MRPL30: variants seen among roughly 807,000 people sequenced by gnomAD.
MRPL30 encodes the protein mitochondrial ribosomal protein L30, also known as large ribosomal subunit protein uL30m.
MRPL30 carries 10 observed loss-of-function variants against 17.2 expected under a neutral mutation model. That is an observed-to-expected ratio of 0.58 (90% CI 0.36 to 0.99). The LOEUF is 0.99. MRPL30 is among the 50% of genes least tolerant of loss of function. The pLI, the probability that MRPL30 is intolerant of heterozygous loss-of-function variation, is 0.01. For missense variants in MRPL30, 170 were observed against 189.8 expected (o/e 0.90, Z 0.61); for synonymous variants, 61 against 62.1 (o/e 0.98, Z 0.08).
chr2:99,186,360 T>G (rs1048419809), intron 2 of MRPL30, 106 bp downstream of exon 2: 13 of 977,454 alleles, frequency 1.3e-5, no homozygotes, highest in Non-Finnish European at 2.0e-5. Context: ...TGAGACGAAG[T>G]CTCTCTCTGT....
intron 2 of MRPL30, 45 bp downstream of exon 2, chr2:99,186,299 AT>A (rs34925788): frequency 3.6e-3 from 5,179 of 1,450,652 alleles, no homozygotes; most frequent in South Asian, 4.3e-3. Flanking sequence ...CCCCTTATGA[AT>A]TTTTTTTTTA....
intron 2 of MRPL30, among the ~76,000 whole-genome samples, chr2:99,187,953 A>C (rs1346014885): frequency 6.6e-6 from 1 of 152,228 alleles, no homozygotes; most frequent in Non-Finnish European, 1.5e-5. Flanking sequence ...GGTCCTTTAC[A>C]GAAAACGGTT....
chr2:99,181,443 A>G (rs1294593643), intron 1 of MRPL30, among the ~76,000 whole-genome samples, 194 bp downstream of exon 1: 1 of 152,022 alleles, frequency 6.6e-6, no homozygotes, highest in Non-Finnish European at 1.5e-5. Context: ...CCGTTTCCCA[A>G]TTTGCAGGAT....
intron 3 of MRPL30, among the ~76,000 whole-genome samples, chr2:99,189,388 A>C (rs1372680962): frequency 6.6e-6 from 1 of 152,222 alleles, no homozygotes; most frequent in African/African-American, 2.4e-5. Context: ...AGCTGAAATC[A>C]TATGGTATGT....
rs746703691 is a variant in MRPL30, at chr2:99,188,136, G to GA, written c.52-40dup. On this transcript the variant is annotated intron_variant, in intron 2 of 5. Transcript: ENST00000338148. ...ATTGGTGGGTATGGATTTCTCTACTGACAGAATTCTAAAAAACAAATGATT... is the reference window on the plus strand; with the variant it reads ...ATTGGTGGGTATGGATTTCTCTACTGAACAGAATTCTAAAAAACAAATGATT... 2.3e-5 allele frequency: 33 copies of GA among 1,449,364 alleles called. No homozygotes were observed. In the African/African-American group the frequency reaches 4.7e-4, roughly 21 times the overall value. 89.8% of individuals were successfully genotyped at this position (1,449,364 alleles called of 1,614,324 possible).
intron 3 of MRPL30, among the ~76,000 whole-genome samples, chr2:99,189,452 A>G (rs1160351385): frequency 6.6e-6 from 1 of 152,132 alleles, no homozygotes; most frequent in Non-Finnish European, 1.5e-5. Flanking sequence ...AGGTTCCTCC[A>G]TGTCTTTTTG....
intron 1 of MRPL30, among the ~76,000 whole-genome samples, chr2:99,185,000 A>AACC (rs2093931699): frequency 6.6e-6 from 1 of 152,198 alleles, no homozygotes. Context: ...GCCCATTAGG[A>AACC]ACCAGATGGC....
chr2:99,187,049 T>G (rs1190772465), intron 2 of MRPL30: 2 of 152,196 alleles, frequency 1.3e-5, no homozygotes, highest in African/African-American at 2.4e-5. Flanking sequence ...TACCTTAACC[T>G]CAGATTAATC....
intron 2 of MRPL30, chr2:99,186,811 G>C (rs1364163446): frequency 2.0e-5 from 3 of 152,154 alleles, no homozygotes; most frequent in Non-Finnish European, 2.9e-5. Flanking sequence ...ATTATGGAAG[G>C]AGTGCATTTT....
intron 1 of MRPL30, among the ~76,000 whole-genome samples, chr2:99,182,892 T>C (rs779725968): frequency 6.6e-6 from 1 of 152,218 alleles, no homozygotes; most frequent in Non-Finnish European, 1.5e-5. Flanking sequence ...TGCTATTGAA[T>C]GTACATGCAC....
chr2:99,186,806 G>A (rs2093934815), intron 2 of MRPL30: 1 of 152,114 alleles, frequency 6.6e-6, no homozygotes, highest in African/African-American at 2.4e-5. Context: ...CTTAGATTAT[G>A]GAAGGAGTGC....
At chr2:99,188,151 A>C in intron 2 of MRPL30, 26 bp from the exon 3 acceptor site, 8 of 1,529,944 alleles carry the variant, frequency 5.2e-6, no homozygotes, top group Non-Finnish European at 7.1e-6. Flanking sequence ...AATTCTAAAA[A>C]ACAAATGATT....
intron 3 of MRPL30, among the ~76,000 whole-genome samples, chr2:99,193,431 CT>C (rs1487244525): frequency 6.6e-6 from 1 of 152,074 alleles, no homozygotes; most frequent in Non-Finnish European, 1.5e-5. Flanking sequence ...AAAATACCAT[CT>C]TTTTGGGGGT....
rs1369757567 is a variant in MRPL30, at chr2:99,194,896, A to G, written c.278A>G (p.Lys93Arg). The change falls in exon 4 of 6, where the codon AAA becomes AGA. Residue 93 changes from lysine to arginine, a missense_variant and splice_region_variant. By Grantham distance (26) the Lys-to-Arg change is conservative. Coordinates refer to ENST00000338148, the MANE Select transcript of MRPL30 (RefSeq NM_145212.4). ...ATAATAAAGATGCTTGGATTAGAAA[A>G]AGTATGCAATTATTTTAATCATCTT... is the stretch of plus-strand genomic sequence containing the variant. ...KDIIKMLGLE[K>R]AHTPQVHKNI... 6.4e-7 allele frequency: 1 copy of G among 1,562,046 alleles called. No individual in the cohort carries two copies. Among genetic ancestry groups the G allele is most frequent in the East Asian group, 2.3e-5 (1 of 44,010 alleles).
chr2:99,194,617 T>G, intron 3 of MRPL30, 134 bp from the exon 4 acceptor site: 1 of 745,690 alleles, frequency 1.3e-6, no homozygotes, highest in African/African-American at 1.8e-5. Flanking sequence ...AATCTGAGGT[T>G]GAGGATTACA....
At chr2:99,195,069 A>G (rs1328116847) in intron 4 of MRPL30, 47 bp from the exon 5 acceptor site, 17 of 1,493,138 alleles carry the variant, frequency 1.1e-5, no homozygotes, top group Admixed American at 6.9e-5. Context: ...ACATGGAACT[A>G]TCTGCTTTTC....
At chr2:99,191,851 C>T (rs894603703) in intron 3 of MRPL30, among the ~76,000 whole-genome samples, 7 of 152,112 alleles carry the variant, frequency 4.6e-5, no homozygotes, top group African/African-American at 1.2e-4. Flanking sequence ...CATTACTTTT[C>T]GTGCTTTTTT....
intron 4 of MRPL30, 102 bp from the exon 5 acceptor site, chr2:99,195,014 A>G: frequency 7.3e-7 from 1 of 1,366,466 alleles, no homozygotes; most frequent in Non-Finnish European, 9.9e-7. Context: ...TAATTTATTT[A>G]TAAATTTGGC....
At chr2:99,184,342 T>C (rs2093930562) in intron 1 of MRPL30, among the ~76,000 whole-genome samples, 1 of 152,228 alleles carries the variant, frequency 6.6e-6, no homozygotes. Flanking sequence ...TCCTTGCCAC[T>C]GAGTGCTAGT....
Sources: allele counts gnomAD v4.1 joint callset (sites outside exome capture counted in the v4.1 genomes callset), GRCh38; gene constraint gnomAD v4.1.1; transcripts MANE v1.5; gene names NCBI Gene and HGNC (gene_info 2026-07-23, HGNC 2026-07-21).